HIVEP3: variants seen among roughly 807,000 people sequenced by gnomAD.
The protein encoded by HIVEP3 is transcription factor HIVEP3.
A neutral mutation model predicts 152.8 loss-of-function variants in HIVEP3; 49 were observed. The ratio of observed to expected loss-of-function variants is 0.32; its 90% CI spans 0.26 to 0.41. The LOEUF is 0.41. HIVEP3 is among the 10% of genes least tolerant of loss of function. The pLI is 1.00. For synonymous variants in HIVEP3, 1,269 were observed against 1,289.0 expected, an observed-to-expected ratio of 0.98 and a Z score of 0.33; for missense variants, 2,790 against 3,103.3, an observed-to-expected ratio of 0.90 and a Z score of 2.40.
chr1:41,594,395 G>C (rs183555449), intron 3 of HIVEP3, among the ~76,000 whole-genome samples: 131 of 151,928 alleles, frequency 8.6e-4, no homozygotes, highest in African/African-American at 2.9e-3. Context: ...GATAATTTTC[G>C]TATTTTTAGT....
Position 41,763,209 on chromosome 1 carries a change from C to G in HIVEP3, c.-800-62214G>C, listed in dbSNP as rs1463327040. Among the ~76,000 whole-genome samples, 3 of 152,218 alleles carry G rather than the reference C, an allele frequency of 2.0e-5. 1 individual carries two copies. The highest frequency in any genetic ancestry group is 4.4e-5 in the Non-Finnish European group (3 of 68,042). On this transcript the variant is annotated intron_variant, in intron 1 of 8. Transcript: ENST00000372583. ...CTGCTAAGAGCTGCTCCAGCATGCT[C>G]AAGGAGACATGCTGCTGACAGTCCA...
intron 1 of HIVEP3, among the ~76,000 whole-genome samples, chr1:41,857,982 A>AGTCTCTCTCT (rs1643814453): frequency 1.6e-5 from 1 of 61,514 alleles, no homozygotes; most frequent in Non-Finnish European, 3.3e-5. Context: ...TCAATCAATC[A>AGTCTCTCTCT]ATCTCTCTCT....
At chr1:41,714,889 TA>T (rs1189008167) in intron 1 of HIVEP3, among the ~76,000 whole-genome samples, 2 of 152,188 alleles carry the variant, frequency 1.3e-5, no homozygotes, top group African/African-American at 4.8e-5. Context: ...GTATGTGTTT[TA>T]AAAGGAGTTT....
At chr1:41,727,586 C>T (rs1646775179) in intron 1 of HIVEP3, among the ~76,000 whole-genome samples, 1 of 152,246 alleles carries the variant, frequency 6.6e-6, no homozygotes, top group African/African-American at 2.4e-5. Context: ...GAGGAAGTGG[C>T]TGAGGGGCGC....
chr1:42,017,648 TTATC>T (rs1156655672), intron 1 of HIVEP3, among the ~76,000 whole-genome samples: 3 of 152,194 alleles, frequency 2.0e-5, no homozygotes, highest in African/African-American at 4.8e-5. Flanking sequence ...ATTGATTTAT[TTATC>T]TATTCTACTG....
At chr1:41,659,847 T>C (rs564520968) in intron 2 of HIVEP3, among the ~76,000 whole-genome samples, 56 of 152,272 alleles carry the variant, frequency 3.7e-4, no homozygotes, top group East Asian at 9.6e-4. Context: ...CTTGGGGAGC[T>C]AGTGCCAGGC....
chr1:41,747,725 C>A (rs1457382533), intron 1 of HIVEP3, among the ~76,000 whole-genome samples: 1 of 152,182 alleles, frequency 6.6e-6, no homozygotes, highest in African/African-American at 2.4e-5. Flanking sequence ...TCTTTAATAG[C>A]TGCATAGTAT....
chr1:41,523,831 C>T (rs1289584221), intron 6 of HIVEP3, among the ~76,000 whole-genome samples: 1 of 152,208 alleles, frequency 6.6e-6, no homozygotes, highest in Admixed American at 6.5e-5. Flanking sequence ...AAACCCTGAC[C>T]CAGGAATCTA....
chr1:41,843,545 GT>G (rs1643349767), intron 1 of HIVEP3, among the ~76,000 whole-genome samples: 1 of 151,312 alleles, frequency 6.6e-6, no homozygotes, highest in South Asian at 2.1e-4. Context: ...CTGTTGCCCT[GT>G]TTCACAGCAG....
At chr1:41,552,009 G>A (rs1643898774) in intron 5 of HIVEP3, among the ~76,000 whole-genome samples, 1 of 152,078 alleles carries the variant, frequency 6.6e-6, no homozygotes, top group Non-Finnish European at 1.5e-5. Flanking sequence ...GCTTTCTCTT[G>A]TAGGCATTTA....
chr1:41,705,248 T>C (rs1307764759), intron 1 of HIVEP3, among the ~76,000 whole-genome samples: 2 of 152,230 alleles, frequency 1.3e-5, no homozygotes, highest in Non-Finnish European at 2.9e-5. Context: ...CCACCATGTT[T>C]CTTTCTCTAC....
In HIVEP3 at chr1:41,863,923, G is replaced by A. The variant is rs935828452; in HGVS notation, c.-801+54490C>T. On this transcript the variant is annotated intron_variant, in intron 1 of 8. Coordinates refer to ENST00000372583, the MANE Select transcript of HIVEP3 (RefSeq NM_024503.5). ...AAATACATCCAGATTAAGAAGGGCC[G>A]CAACTATTGATAGAAGCTAAGAAGA... Among the ~76,000 whole-genome samples the A allele has an allele frequency of 6.6e-5, 10 of 152,302 alleles. No homozygotes were observed. In the South Asian group the frequency reaches 8.3e-4, roughly 13 times the overall value.
chr1:41,884,934 T>C (rs1644320539), intron 1 of HIVEP3, among the ~76,000 whole-genome samples: 1 of 152,196 alleles, frequency 6.6e-6, no homozygotes, highest in South Asian at 2.1e-4. Context: ...AGCCCAACCA[T>C]TCCTCTTCAG....
At position 41,548,304 on chromosome 1, in the gene HIVEP3, A is replaced by G. The variant is rs910799872; in HGVS notation, c.5208-23394T>C. Reference sequence around the variant, plus strand: ...ACTCTCCCCACCCTGCAGATGAGAAAGGGATTCACAGGGGCATTAAGTAAC... The same window carrying G: ...ACTCTCCCCACCCTGCAGATGAGAAGGGGATTCACAGGGGCATTAAGTAAC... On this transcript the variant is annotated intron_variant, in intron 5 of 8. Transcript: ENST00000372583. 1.2e-4 allele frequency among the ~76,000 whole-genome samples: 18 copies of G among 152,284 alleles called. No homozygotes were observed. In the East Asian group the frequency reaches 3.1e-3, roughly 26 times the overall value.
chr1:41,569,678 AT>A (rs1644223454), intron 5 of HIVEP3, among the ~76,000 whole-genome samples: 1 of 152,142 alleles, frequency 6.6e-6, no homozygotes, highest in Non-Finnish European at 1.5e-5. Flanking sequence ...AACTAACACT[AT>A]TCTCTCCAAG....
intron 7 of HIVEP3, 76 bp from the exon 8 acceptor site, chr1:41,513,826 G>A (rs1414847980): frequency 3.2e-6 from 4 of 1,267,072 alleles, no homozygotes; most frequent in Non-Finnish European, 4.2e-6. Context: ...TCCTCTCTGA[G>A]CCCCAGTTTC....
At chr1:41,513,890 C>T (rs1040726431) in intron 7 of HIVEP3, 140 bp from the exon 8 acceptor site, 9 of 621,690 alleles carry the variant, frequency 1.4e-5, no homozygotes, top group Non-Finnish European at 2.1e-5. Flanking sequence ...ATTGTTGGGA[C>T]AACCAAGAAA....
intron 1 of HIVEP3, among the ~76,000 whole-genome samples, chr1:41,897,216 G>T (rs1644543763): frequency 6.6e-6 from 1 of 152,176 alleles, no homozygotes. Flanking sequence ...AGAGGTAAGG[G>T]GGGATTCTGG....
intron 1 of HIVEP3, among the ~76,000 whole-genome samples, chr1:41,994,858 T>C (rs565674808): frequency 2.5e-4 from 38 of 151,124 alleles, no homozygotes; most frequent in African/African-American, 8.8e-4. Context: ...GAAAATGACA[T>C]CAAAGATTTG....
Sources: allele counts gnomAD v4.1 joint callset (sites outside exome capture counted in the v4.1 genomes callset), GRCh38; gene constraint gnomAD v4.1.1; transcripts MANE v1.5; gene names NCBI Gene and HGNC (gene_info 2026-07-23, HGNC 2026-07-21).